CREB5: variants seen among roughly 807,000 people sequenced by gnomAD.
CREB5 encodes cAMP responsive element binding protein 5.
In CREB5, 19 loss-of-function variants were observed where a neutral mutation model predicts 57.1. That is an observed-to-expected ratio of 0.33 (90% CI 0.23 to 0.49). The LOEUF is 0.49. Ranked by LOEUF, CREB5 falls within the 20% of genes least tolerant of loss-of-function variation. The probability of loss-of-function intolerance (pLI) is 0.99; values close to 1 mark genes in which losing one functional copy is unlikely to be tolerated. For missense variants in CREB5, 579 were observed against 671.6 expected (o/e 0.86, Z 1.52); for synonymous variants, 238 against 238.3 (o/e 1.00, Z 0.01).
At position 28,371,767 on chromosome 7, in the gene CREB5, C is replaced by T. The variant is rs529512258; in HGVS notation, c.-25+72326C>T. Among the ~76,000 whole-genome samples, 12 of 152,284 alleles carry T rather than the reference C, an allele frequency of 7.9e-5. No individual in the cohort carries two copies. In the East Asian group the frequency reaches 1.2e-3, roughly 15 times the overall value. ...GTTGCTCACTGCACTTATTCTAAGA[C>T]GCCGTTGCTTATGCGTGTCCTCCAG... On this transcript the variant is annotated intron_variant, in intron 1 of 9. Coordinates refer to the CREB5 transcript ENST00000396299.
rs1457518141 is a variant in CREB5, at chr7:28,672,189, AC to A, written c.465-46563del. On this transcript the variant is annotated intron_variant, in intron 5 of 10. Coordinates refer to ENST00000357727, the MANE Select transcript of CREB5 (RefSeq NM_182898.4). Reference sequence around the variant, plus strand: ...GTTGTATTATGGAAAAAAAAAAAAAACACACACACACACACACACACACACA... The same window carrying A: ...GTTGTATTATGGAAAAAAAAAAAAAAACACACACACACACACACACACACA... 3.6e-5 allele frequency among the ~76,000 whole-genome samples: 5 copies of A among 138,194 alleles called. No individual in the cohort carries two copies. The South Asian group carries it at 1.1e-3, about 32-fold the overall frequency. The allele number at this position is 138,194 out of a possible 152,430, so 90.7% of individuals were successfully genotyped here.
At chr7:28,300,877 C>T (rs1189044683) in intron 1 of CREB5, among the ~76,000 whole-genome samples, 1 of 152,136 alleles carries the variant, frequency 6.6e-6, no homozygotes, top group Non-Finnish European at 1.5e-5. Context: ...CACAGACACA[C>T]AAAACCTTGG....
intron 1 of CREB5, among the ~76,000 whole-genome samples, chr7:28,414,287 C>CT (rs11347506): frequency 0.52 from 77,660 of 148,626 alleles, 21,869 homozygotes; most frequent in East Asian, 0.71. Flanking sequence ...AATTTAAGGT[C>CT]TTTTTTTTTT....
intron 7 of CREB5, among the ~76,000 whole-genome samples, chr7:28,796,173 C>T (rs1433106952): frequency 6.6e-6 from 1 of 152,172 alleles, no homozygotes; most frequent in Non-Finnish European, 1.5e-5. Flanking sequence ...ACCCTGGAAC[C>T]ATTAAGCAGT....
chr7:28,394,941 A>G (rs1470060057), intron 1 of CREB5, among the ~76,000 whole-genome samples: 1 of 152,154 alleles, frequency 6.6e-6, no homozygotes, highest in East Asian at 1.9e-4. Context: ...AATTGGAGTG[A>G]CTTCTATGTA....
intron 7 of CREB5, among the ~76,000 whole-genome samples, chr7:28,770,355 G>C (rs1464881883): frequency 6.6e-6 from 1 of 152,180 alleles, no homozygotes; most frequent in Non-Finnish European, 1.5e-5. Flanking sequence ...CTCACCACTA[G>C]AGTTGGGTAG....
intron 4 of CREB5, among the ~76,000 whole-genome samples, chr7:28,560,984 GC>G: frequency 2.2e-5 from 2 of 92,088 alleles, no homozygotes; most frequent in African/African-American, 7.0e-5. Flanking sequence ...GTGTGTGCGT[GC>G]GTGTGTGTGC....
intron 1 of CREB5, among the ~76,000 whole-genome samples, chr7:28,486,670 T>TTATATATATATATATA (rs139222705): frequency 0.022 from 1,980 of 88,914 alleles, 171 homozygotes; most frequent in Non-Finnish European, 0.031. Flanking sequence ...TCCTATGATT[T>TTATATATATATATATA]TATATATATA....
chr7:28,560,957 T>TGCGTGCGTGC (rs1375860415), intron 4 of CREB5, among the ~76,000 whole-genome samples: 1 of 43,438 alleles, frequency 2.3e-5, no homozygotes. Flanking sequence ...TGTGCGTGTG[T>TGCGTGCGTGC]GTGCGTGTGT....
intron 4 of CREB5, among the ~76,000 whole-genome samples, chr7:28,516,496 A>G (rs1001086432): frequency 1.4e-4 from 21 of 152,288 alleles, no homozygotes; most frequent in African/African-American, 4.8e-4. Flanking sequence ...AGCCAAAACC[A>G]CAGTGCAGCC....
chr7:28,465,056 A>C (rs1470380524), intron 1 of CREB5, among the ~76,000 whole-genome samples: 1 of 152,180 alleles, frequency 6.6e-6, no homozygotes, highest in Non-Finnish European at 1.5e-5. Context: ...AGCTTAGGAG[A>C]AAAGAAAATT....
intron 5 of CREB5, among the ~76,000 whole-genome samples, chr7:28,609,689 T>G (rs868143405): frequency 6.6e-6 from 1 of 152,340 alleles, no homozygotes. Context: ...ATGCACCAGG[T>G]GCATGGAGGT....
intron 7 of CREB5, among the ~76,000 whole-genome samples, chr7:28,794,503 A>G (rs1807910963): frequency 1.3e-5 from 2 of 152,212 alleles, no homozygotes; most frequent in Admixed American, 6.5e-5. Flanking sequence ...AAACTAGCAT[A>G]TAATATTTTC....
chr7:28,475,993 A>G (rs1185899962), intron 1 of CREB5, among the ~76,000 whole-genome samples: 1 of 152,142 alleles, frequency 6.6e-6, no homozygotes, highest in Non-Finnish European at 1.5e-5. Context: ...GCAGTTATTT[A>G]ACTTTTATAA....
intron 5 of CREB5, among the ~76,000 whole-genome samples, chr7:28,709,697 AAAGAAG>A (rs549460925): frequency 1.3e-5 from 2 of 152,158 alleles, no homozygotes; most frequent in East Asian, 1.9e-4. Flanking sequence ...AAAAAAAAAA[AAAGAAG>A]AAGAAGTTAT....
At chr7:28,424,278 A>G (rs1015642629) in intron 1 of CREB5, among the ~76,000 whole-genome samples, 4 of 152,222 alleles carry the variant, frequency 2.6e-5, no homozygotes, top group South Asian at 2.1e-4. Context: ...ATCTCCTTTC[A>G]GGAAAACACA....
chr7:28,771,689 A>G (rs949372085), intron 7 of CREB5, among the ~76,000 whole-genome samples: 2 of 151,770 alleles, frequency 1.3e-5, no homozygotes, highest in East Asian at 1.9e-4. Context: ...ACCTAAAACA[A>G]AAAAGTATCT....
chr7:28,497,296 C>T (rs1792097944), intron 3 of CREB5, among the ~76,000 whole-genome samples: 1 of 152,218 alleles, frequency 6.6e-6, no homozygotes, highest in South Asian at 2.1e-4. Context: ...TATATAGTGC[C>T]TAAAGCAGGT....
intron 1 of CREB5, among the ~76,000 whole-genome samples, chr7:28,463,270 TTCTA>T (rs1191340556): frequency 2.0e-5 from 3 of 152,188 alleles, no homozygotes; most frequent in African/African-American, 7.2e-5. Flanking sequence ...GGACTCTCAG[TTCTA>T]TCTTATTGGT....
Sources: gnomAD v4.1 joint callset for allele counts (sites outside exome capture counted in the v4.1 genomes callset) on GRCh38, gnomAD v4.1.1 for gene constraint, MANE v1.5 for transcripts, NCBI Gene and HGNC (gene_info 2026-07-23, HGNC 2026-07-21) for gene names.